The following KCNC1 variants were observed in gnomAD, a reference collection of about 807,000 sequenced individuals.
KCNC1 encodes potassium voltage-gated channel subfamily C member 1.
A neutral mutation model predicts 43.4 loss-of-function variants in KCNC1; 8 were observed. The ratio of observed to expected loss-of-function variants is 0.18; its 90% CI spans 0.11 to 0.33. The LOEUF is 0.33. Ranked by LOEUF, KCNC1 falls within the 10% of genes least tolerant of loss-of-function variation. KCNC1 has a pLI of 1.00. For synonymous variants in KCNC1, 361 were observed against 360.5 expected (o/e 1.00, Z -0.01); for missense variants, 420 against 836.0 (o/e 0.50, Z 6.14).
At chr11:17,758,993 A>G (rs1433867631) in intron 1 of KCNC1, among the ~76,000 whole-genome samples, 1 of 152,236 alleles carries the variant, frequency 6.6e-6, no homozygotes, top group Non-Finnish European at 1.5e-5. Context: ...CTCTCTAGCT[A>G]TGAAAACCCT....
intron 1 of KCNC1, among the ~76,000 whole-genome samples, chr11:17,760,863 C>A (rs888653054): frequency 6.6e-6 from 1 of 152,222 alleles, no homozygotes; most frequent in South Asian, 2.1e-4. Flanking sequence ...TGGGCTGGCA[C>A]GAGGTTTAAA....
chr11:17,756,583 C>T lies in KCNC1; in HGVS notation c.571-15082C>T, dbSNP rs190769732. On this transcript the variant is annotated intron_variant, in intron 1 of 3. Coordinates refer to ENST00000265969, the MANE Select transcript of KCNC1 (RefSeq NM_001112741.2). ...CGCATGTACATTGGGAGTCAGGACCCCTGACTCGATACAAACACACAAGTG... is the reference window on the plus strand; with the variant it reads ...CGCATGTACATTGGGAGTCAGGACCTCTGACTCGATACAAACACACAAGTG... Among the ~76,000 whole-genome samples, 17 of 151,444 alleles carry T rather than the reference C, an allele frequency of 1.1e-4. No homozygotes were observed. The East Asian group carries it at 3.3e-3, about 30-fold the overall frequency.
At chr11:17,780,450 G>A (rs1339350359) in intron 3 of KCNC1, 1 of 152,442 alleles carries the variant, frequency 6.6e-6, no homozygotes, top group Non-Finnish European at 1.5e-5. Context: ...AGAGGCTTGG[G>A]GTGGGGGCCC....
chr11:17,766,472 C>T (rs1407303781), intron 1 of KCNC1, among the ~76,000 whole-genome samples: 1 of 152,144 alleles, frequency 6.6e-6, no homozygotes, highest in Non-Finnish European at 1.5e-5. Context: ...TTGCCTGTGA[C>T]CCTACAGCCC....
intron 1 of KCNC1, among the ~76,000 whole-genome samples, chr11:17,760,055 CT>C (rs1230693779): frequency 6.6e-6 from 1 of 152,202 alleles, no homozygotes; most frequent in Admixed American, 6.5e-5. Flanking sequence ...TCACGTATTT[CT>C]TATTCCAATC....
Position 17,779,524 on chromosome 11 carries a change from G to A in KCNC1, c.1573G>A (p.Ala525Thr), listed in dbSNP as rs1238462283. 5 of 1,551,350 alleles carry A rather than the reference G, an allele frequency of 3.2e-6. No homozygotes were observed. The highest frequency in any genetic ancestry group is 2.7e-5 in the African/African-American group (2 of 73,048). ...CGAAGACTGCCCCCACATAGACCAGGCCCTCACTCCCGATGAGGGCCTGCC... is the reference window on the plus strand; with the variant it reads ...CGAAGACTGCCCCCACATAGACCAGACCCTCACTCCCGATGAGGGCCTGCC... ...ANEDCPHIDQ[A>T]LTPDEGLPFT... The change falls in exon 3 of 4, where the codon GCC becomes ACC. Residue 525 changes from alanine to threonine, a missense_variant. Coordinates refer to ENST00000265969, the MANE Select transcript of KCNC1 (RefSeq NM_001112741.2). This position sits in a 1 kb window ranked among gnomAD's most constrained non-coding sequence, Gnocchi z 7.2.
In KCNC1 at chr11:17,771,988, G is replaced by A. The variant is rs1255117590; in HGVS notation, c.894G>A (p.Leu298=). 1.2e-6 allele frequency: 2 copies of A among 1,614,000 alleles called. No individual in the cohort carries two copies. Among genetic ancestry groups the A allele is most frequent in the Non-Finnish European group, 1.7e-6 (2 of 1,180,042 alleles). Residue 298 remains leucine (L), a synonymous_variant, in exon 2 of 4, where the codon CTG becomes CTA. Coordinates refer to ENST00000265969, the MANE Select transcript of KCNC1 (RefSeq NM_001112741.2). This position sits in a 1 kb window ranked among gnomAD's most constrained non-coding sequence, Gnocchi z 4.7. ...PFYLEVGLSG[L]SSKAAKDVLG... The stretch of plus-strand genomic sequence containing the variant: ...ACCTGGAGGTGGGGCTGAGCGGCCT[G>A]TCCTCCAAGGCAGCCAAGGACGTGC...
At chr11:17,760,654 G>A (rs369774886) in intron 1 of KCNC1, among the ~76,000 whole-genome samples, 2 of 152,136 alleles carry the variant, frequency 1.3e-5, no homozygotes, top group Non-Finnish European at 2.9e-5. Context: ...CGCCAGATCC[G>A]GCTACAAGGG....
chr11:17,738,816 G>A (rs1339558551), intron 1 of KCNC1, among the ~76,000 whole-genome samples: 1 of 152,110 alleles, frequency 6.6e-6, no homozygotes, highest in Non-Finnish European at 1.5e-5. Context: ...GGGGTGAGGC[G>A]GTACTGGGAT....
intron 1 of KCNC1, among the ~76,000 whole-genome samples, chr11:17,737,270 C>T (rs939655013): frequency 2.0e-5 from 3 of 152,128 alleles, no homozygotes; most frequent in Non-Finnish European, 4.4e-5. Flanking sequence ...CCTGTCCTTC[C>T]TCCTTGTCGA....
Position 17,771,775 on chromosome 11 carries a change from T to C in KCNC1, c.681T>C (p.Val227=), listed in dbSNP as rs1849232388. Residue 227 remains valine (V), a synonymous_variant, in exon 2 of 4, where the codon GTT becomes GTC. Coordinates refer to ENST00000265969, the MANE Select transcript of KCNC1 (RefSeq NM_001112741.2). This position sits in a 1 kb window ranked among gnomAD's most constrained non-coding sequence, Gnocchi z 4.7. The stretch of plus-strand genomic sequence containing the variant: ...TGAACAAGACGGAGATCGAGAACGT[T>C]CGCAATGGCACGCAAGTGCGCTACT... ...PIVNKTEIEN[V]RNGTQVRYYR... The C allele has an allele frequency of 6.2e-7, 1 of 1,614,096 alleles. No individual in the cohort carries two copies. The highest frequency in any genetic ancestry group is 1.1e-5 in the South Asian group (1 of 91,086).
rs80337144 is a variant in KCNC1, at chr11:17,745,414, G to A, written c.570+8842G>A. On this transcript the variant is annotated intron_variant, in intron 1 of 3. Coordinates refer to ENST00000265969, the MANE Select transcript of KCNC1 (RefSeq NM_001112741.2). The stretch of plus-strand genomic sequence containing the variant: ...TTGTCTTCATGTTTCAAGTACACTC[G>A]GAATCTGAGTGCATCGCACCCCTCC... Among the ~76,000 whole-genome samples the A allele has an allele frequency of 8.5e-3, 1,287 of 152,202 alleles. 20 individuals are homozygous for A. The highest frequency in any genetic ancestry group is 0.029 in the African/African-American group (1,204 of 41,520).
At chr11:17,772,713 C>T (rs1204490032) in intron 2 of KCNC1, 115 bp downstream of exon 2, 1 of 1,524,724 alleles carries the variant, frequency 6.6e-7, no homozygotes, top group African/African-American at 1.4e-5. Context: ...CCGGACCCCG[C>T]ACTCAGTCTG....
chr11:17,771,856 C>G lies in KCNC1; in HGVS notation c.762C>G (p.Val254=), dbSNP rs138647448. 3.8e-5 allele frequency: 61 copies of G among 1,614,080 alleles called. No individual in the cohort carries two copies. The highest frequency in any genetic ancestry group is 5.2e-5 in the Non-Finnish European group (61 of 1,180,008). Residue 254 remains valine, a synonymous_variant, in exon 2 of 4, where the codon GTC becomes GTG. Coordinates refer to ENST00000265969, the MANE Select transcript of KCNC1 (RefSeq NM_001112741.2). The surrounding 1 kb of genome is among the most constrained non-coding windows in gnomAD (Gnocchi z 4.7). The part of the protein sequence containing the change: ...FLTYIEGVCV[V]WFTFEFLMRV... The stretch of plus-strand genomic sequence containing the variant: ...CCTACATCGAGGGCGTCTGTGTGGT[C>G]TGGTTCACCTTCGAGTTCCTCATGC...
In KCNC1 at chr11:17,739,493, G is replaced by T. The variant is rs535074782; in HGVS notation, c.570+2921G>T. ...ATTCTGTGTTTTGGATGGACTGTGC[G>T]TGTGTGAGAATGAGACTGTGTGGGA... On this transcript the variant is annotated intron_variant, in intron 1 of 3. Transcript: ENST00000265969. This position sits in a 1 kb window ranked among gnomAD's most constrained non-coding sequence, Gnocchi z 4.2. Among the ~76,000 whole-genome samples the T allele has an allele frequency of 6.6e-6, 1 of 151,938 alleles. No homozygotes were observed.
chr11:17,779,806 GC>G lies in KCNC1; in HGVS notation c.1693+165del, dbSNP rs1849327054. The G allele has an allele frequency of 9.5e-6, 5 of 524,780 alleles. No individual in the cohort carries two copies. The highest frequency in any genetic ancestry group is 1.6e-5 in the Non-Finnish European group (5 of 314,528). 32.5% of individuals were successfully genotyped at this position (524,780 alleles called of 1,614,324 possible). A position where few individuals can be genotyped will look rare whatever the true frequency, so the allele number is the denominator to read the frequency against. ...CAGGGTCGGCCCCTGGAGGGCTGAG[GC>G]CCTTCCCCCCAAGTGAGATGTCAGG... is the stretch of plus-strand genomic sequence containing the variant. On this transcript the variant is annotated intron_variant, in intron 3 of 3. Transcript: ENST00000265969. This position sits in a 1 kb window ranked among gnomAD's most constrained non-coding sequence, Gnocchi z 7.2.
chr11:17,746,495 C>T (rs975293710), intron 1 of KCNC1, among the ~76,000 whole-genome samples: 2 of 152,154 alleles, frequency 1.3e-5, no homozygotes, highest in African/African-American at 4.8e-5. Flanking sequence ...CAGCCAGGCT[C>T]TTTTCCTACC....
intron 1 of KCNC1, among the ~76,000 whole-genome samples, chr11:17,770,180 C>T (rs1849207891): frequency 6.6e-6 from 1 of 152,274 alleles, no homozygotes; most frequent in African/African-American, 2.4e-5. Flanking sequence ...CCTCTAGGGG[C>T]AGCATGGCTG....
Position 17,779,329 on chromosome 11 carries a change from G to C in KCNC1, c.1505-127G>C. ...TTGTGCCCTCCTCGCTCCACAGCCTGCCCGCTTTTCCGTCCTCAGGGACGC... is the reference window on the plus strand; with the variant it reads ...TTGTGCCCTCCTCGCTCCACAGCCTCCCCGCTTTTCCGTCCTCAGGGACGC... On this transcript the variant is annotated intron_variant, in intron 2 of 3. Transcript: ENST00000265969. The surrounding 1 kb of genome is among the most constrained non-coding windows in gnomAD (Gnocchi z 7.2). 1.4e-6 allele frequency: 1 copy of C among 733,762 alleles called. No individual in the cohort carries two copies. The highest frequency in any genetic ancestry group is 2.1e-6 in the Non-Finnish European group (1 of 477,062). The allele number at this position is 733,762 out of a possible 1,614,324, so 45.5% of individuals were successfully genotyped here.
Sources: allele counts gnomAD v4.1 joint callset (sites outside exome capture counted in the v4.1 genomes callset), GRCh38; gene constraint gnomAD v4.1.1; non-coding constraint Gnocchi (gnomAD v3.1); transcripts MANE v1.5; gene names NCBI Gene and HGNC (gene_info 2026-07-23, HGNC 2026-07-21).